The following CTNNA3 variants were observed in gnomAD, a reference collection of about 807,000 sequenced individuals.
The protein encoded by CTNNA3 is catenin alpha-3.
Under a neutral mutation model 95.7 loss-of-function variants are expected in CTNNA3, and 76 were observed. The observed-to-expected ratio is 0.79, with a 90% CI of 0.66 to 0.96. CTNNA3 has a LOEUF of 0.96. Among genes scored for constraint, CTNNA3 ranks in the 40% least tolerant of loss-of-function variants. The pLI is 0.00. For missense variants in CTNNA3, 1,191 were observed against 1,089.8 expected (o/e 1.09, Z -1.31); for synonymous variants, 431 against 374.4 (o/e 1.15, Z -1.74).
At chr10:66,346,535 C>T (rs949711471) in intron 12 of CTNNA3, among the ~76,000 whole-genome samples, 9 of 152,004 alleles carry the variant, frequency 5.9e-5, no homozygotes, top group African/African-American at 2.2e-4. Context: ...CCTCGGCCTC[C>T]CAAAGTGTTG....
intron 1 of CTNNA3, among the ~76,000 whole-genome samples, chr10:67,759,671 G>C (rs901506767): frequency 6.6e-6 from 1 of 152,050 alleles, no homozygotes; most frequent in Non-Finnish European, 1.5e-5. Context: ...TTTGATAACT[G>C]CATTCTATTA....
chr10:67,760,734 T>A (rs1163673965), intron 1 of CTNNA3, among the ~76,000 whole-genome samples: 1 of 152,114 alleles, frequency 6.6e-6, no homozygotes, highest in Non-Finnish European at 1.5e-5. Flanking sequence ...TAGATTCTCA[T>A]AGGAGCATGA....
chr10:67,695,029 T>C (rs1381711277), intron 1 of CTNNA3, among the ~76,000 whole-genome samples: 1 of 152,174 alleles, frequency 6.6e-6, no homozygotes, highest in Non-Finnish European at 1.5e-5. Flanking sequence ...GAAATTTTAA[T>C]AGCACACTCA....
At chr10:66,614,457 A>G (rs1222151357) in intron 10 of CTNNA3, among the ~76,000 whole-genome samples, 1 of 151,974 alleles carries the variant, frequency 6.6e-6, no homozygotes, top group Non-Finnish European at 1.5e-5. Context: ...CCATGCTAAA[A>G]TATGAATACA....
chr10:67,416,305 C>T (rs188026744), intron 5 of CTNNA3, among the ~76,000 whole-genome samples: 1 of 151,834 alleles, frequency 6.6e-6, no homozygotes, highest in Non-Finnish European at 1.5e-5. Flanking sequence ...AGAAAATAAC[C>T]CCATTAAAAA....
In CTNNA3 at chr10:66,965,321, G is replaced by T. The variant is rs192073990; in HGVS notation, c.1048-189797C>A. ...GGAGGCTAAGGCAGGTGGATCATGAGGTCAAGAGATCCAGACGATCTTGGC... is the reference window on the plus strand; with the variant it reads ...GGAGGCTAAGGCAGGTGGATCATGATGTCAAGAGATCCAGACGATCTTGGC... On this transcript the variant is annotated intron_variant, in intron 7 of 17. Transcript: ENST00000433211. Among the ~76,000 whole-genome samples, 88 of 152,144 alleles carry T rather than the reference G, an allele frequency of 5.8e-4. 1 individual carries two copies. The East Asian group carries it at 0.013, about 22-fold the overall frequency.
At chr10:67,609,404 G>C (rs1033774591) in intron 2 of CTNNA3, among the ~76,000 whole-genome samples, 6 of 151,940 alleles carry the variant, frequency 3.9e-5, no homozygotes, top group Admixed American at 3.3e-4. Flanking sequence ...TGGAGCATTC[G>C]ATGTTTGTTT....
Position 66,702,707 on chromosome 10 carries a change from C to CAAAA in CTNNA3, c.1281+63553_1281+63556dup, listed in dbSNP as rs36140474. Among the ~76,000 whole-genome samples the CAAAA allele has an allele frequency of 5.0e-4, 41 of 81,230 alleles. 1 individual carries two copies. The highest frequency in any genetic ancestry group is 7.2e-4 in the Admixed American group (5 of 6,986). The allele number at this position is 81,230 out of a possible 152,430, so 53.3% of individuals were successfully genotyped here. A position where few individuals can be genotyped will look rare whatever the true frequency, so the allele number is the denominator to read the frequency against. ...GGGCAACAAGAGTGAAACTCCACCTCAAAAAAAAAAAAAAAAAAAAGAATA... is the reference window on the plus strand; with the variant it reads ...GGGCAACAAGAGTGAAACTCCACCTCAAAAAAAAAAAAAAAAAAAAAAAAGAATA... On this transcript the variant is annotated intron_variant, in intron 9 of 17. Coordinates refer to ENST00000433211, the MANE Select transcript of CTNNA3 (RefSeq NM_013266.4).
chr10:67,705,391 A>G (rs1386759631), intron 1 of CTNNA3, among the ~76,000 whole-genome samples: 1 of 150,902 alleles, frequency 6.6e-6, no homozygotes, highest in Non-Finnish European at 1.5e-5. Flanking sequence ...ATGTCCAACA[A>G]TGATAGACTG....
chr10:66,551,160 G>T (rs949451977), intron 10 of CTNNA3, among the ~76,000 whole-genome samples: 2 of 151,976 alleles, frequency 1.3e-5, no homozygotes, highest in Non-Finnish European at 2.9e-5. Flanking sequence ...GCCAATGTTC[G>T]GGGCAGATCT....
intron 13 of CTNNA3, among the ~76,000 whole-genome samples, chr10:66,116,685 G>T (rs931262843): frequency 3.3e-5 from 5 of 152,114 alleles, no homozygotes; most frequent in Admixed American, 2.0e-4. Context: ...CTGAGACTGG[G>T]TAATTTATGA....
intron 13 of CTNNA3, among the ~76,000 whole-genome samples, chr10:66,202,699 T>C (rs1410522652): frequency 6.6e-6 from 1 of 152,176 alleles, no homozygotes; most frequent in Non-Finnish European, 1.5e-5. Context: ...TATTTGACTA[T>C]TTTGTGCTGT....
rs557256954 is a variant in CTNNA3 at position 67,260,686 on chromosome 10, T to G, written c.580-40816A>C. Among the ~76,000 whole-genome samples the G allele has an allele frequency of 8.1e-3, 1,236 of 152,058 alleles. 19 individuals are homozygous for G. The highest frequency in any genetic ancestry group is 0.028 in the African/African-American group (1,154 of 41,480). On this transcript the variant is annotated intron_variant, in intron 5 of 17. Coordinates refer to ENST00000433211, the MANE Select transcript of CTNNA3 (RefSeq NM_013266.4). Reference sequence around the variant, plus strand: ...CACTGTTTTGTTTTGTTTTTTTGTTTTTTTTTTGTTTTTTTGAGGTGGAGT... The same window carrying G: ...CACTGTTTTGTTTTGTTTTTTTGTTGTTTTTTTGTTTTTTTGAGGTGGAGT...
At chr10:66,870,340 A>G (rs976036232) in intron 7 of CTNNA3, among the ~76,000 whole-genome samples, 2 of 152,214 alleles carry the variant, frequency 1.3e-5, no homozygotes, top group Non-Finnish European at 2.9e-5. Flanking sequence ...TACGGCTATT[A>G]ATGGACAATA....
At position 65,966,650 on chromosome 10, in the gene CTNNA3, C is replaced by T. The variant is rs1467999363; in HGVS notation, c.2362G>A (p.Glu788Lys). 3 of 1,613,762 alleles carry T rather than the reference C, an allele frequency of 1.9e-6. No individual in the cohort carries two copies. The highest frequency in any genetic ancestry group is 1.1e-5 in the South Asian group (1 of 91,048). The change falls in exon 17 of 18, where the codon GAG becomes AAG. Residue 788 changes from glutamate to lysine, a missense_variant. By Grantham distance (56) the Glu-to-Lys change is moderately conservative (BLOSUM62 1). Coordinates refer to ENST00000433211, the MANE Select transcript of CTNNA3 (RefSeq NM_013266.4). ...QLKICSQVKA[E>K]IQNLGGELIM... is the part of the protein sequence containing the mutation. ...AGCTCTCCTCCCAGGTTCTGGATCT[C>T]AGCTTTAACTTGACTGCAGATTTTC...
intron 9 of CTNNA3, among the ~76,000 whole-genome samples, chr10:66,637,071 A>T (rs1845362500): frequency 6.6e-6 from 1 of 152,204 alleles, no homozygotes; most frequent in African/African-American, 2.4e-5. Flanking sequence ...TAAGACTGTC[A>T]TATAAAAATG....
At chr10:67,359,875 A>G (rs574520788) in intron 5 of CTNNA3, among the ~76,000 whole-genome samples, 15 of 152,242 alleles carry the variant, frequency 9.9e-5, no homozygotes, top group African/African-American at 3.6e-4. Context: ...CTAAACAAGA[A>G]GATCATTCTG....
At chr10:66,547,134 T>C (rs1842058306) in intron 10 of CTNNA3, among the ~76,000 whole-genome samples, 1 of 151,984 alleles carries the variant, frequency 6.6e-6, no homozygotes, top group Non-Finnish European at 1.5e-5. Context: ...AGGAAGTAGA[T>C]AGAGTGTGGT....
chr10:66,052,498 TTC>T (rs2079979762), intron 15 of CTNNA3, among the ~76,000 whole-genome samples: 1 of 152,154 alleles, frequency 6.6e-6, no homozygotes, highest in Non-Finnish European at 1.5e-5. Context: ...GAGGGTCAAG[TTC>T]TCTCTCAGTG....
Sources: allele counts gnomAD v4.1 joint callset (sites outside exome capture counted in the v4.1 genomes callset), GRCh38; gene constraint gnomAD v4.1.1; transcripts MANE v1.5; gene names NCBI Gene and HGNC (gene_info 2026-07-23, HGNC 2026-07-21).